SYNE2: variants seen among roughly 807,000 people sequenced by gnomAD.
SYNE2 encodes nesprin-2.
In SYNE2, 431 loss-of-function variants were observed where a neutral mutation model predicts 856.3. The observed-to-expected ratio is 0.50, with a 90% CI of 0.47 to 0.55. The LOEUF is 0.55. Among genes scored for constraint, SYNE2 ranks in the 20% least tolerant of loss-of-function variants. SYNE2 has a pLI of 0.00. For synonymous variants in SYNE2, 2,923 were observed against 2,872.3 expected, an observed-to-expected ratio of 1.02 and a Z score of -0.56; for missense variants, 8,129 against 8,023.2, an observed-to-expected ratio of 1.01 and a Z score of -0.50.
At chr14:63,777,421 G>A (rs1289642742) in intron 1 of SYNE2, among the ~76,000 whole-genome samples, 10 of 152,100 alleles carry the variant, frequency 6.6e-5, no homozygotes, top group Admixed American at 5.2e-4. Context: ...TGTAATCCCA[G>A]AACTTTGAGA....
intron 1 of SYNE2, among the ~76,000 whole-genome samples, chr14:63,837,096 T>C (rs1889883367): frequency 6.6e-6 from 1 of 152,200 alleles, no homozygotes; most frequent in Non-Finnish European, 1.5e-5. Flanking sequence ...ATGCAGGAAA[T>C]TATATAAGAT....
chr14:63,825,008 G>A (rs1348765234), intron 1 of SYNE2, among the ~76,000 whole-genome samples: 2 of 151,780 alleles, frequency 1.3e-5, no homozygotes, highest in Non-Finnish European at 2.9e-5. Flanking sequence ...GCTGAGGCAG[G>A]AGAATTGCTT....
In SYNE2 at chr14:63,995,967, C is replaced by T. The variant is rs566155934; in HGVS notation, c.2940+765C>T. ...TTTATGCACTCTGGGGTTTGACCTG[C>T]CTTCTCTGCAATGATAGTGCGTCAA... On this transcript the variant is annotated intron_variant, in intron 23 of 115. Transcript: ENST00000555002. Among the ~76,000 whole-genome samples the T allele has an allele frequency of 6.6e-5, 10 of 152,236 alleles. No individual in the cohort carries two copies. In the South Asian group the frequency reaches 1.9e-3, roughly 28 times the overall value.
chr14:63,962,347 C>T (rs996282220), intron 9 of SYNE2, among the ~76,000 whole-genome samples: 109 of 152,112 alleles, frequency 7.2e-4, no homozygotes, highest in African/African-American at 2.4e-3. Flanking sequence ...TGAGCCACTG[C>T]GGCCGGCCTG....
chr14:64,195,422 T>G (rs2098536631), intron 99 of SYNE2, among the ~76,000 whole-genome samples: 1 of 152,210 alleles, frequency 6.6e-6, no homozygotes. Flanking sequence ...GTCGTCCTTA[T>G]TAAGCCACTG....
At chr14:64,046,340 A>G (rs2097186295) in intron 45 of SYNE2, among the ~76,000 whole-genome samples, 1 of 152,156 alleles carries the variant, frequency 6.6e-6, no homozygotes, top group South Asian at 2.1e-4. Flanking sequence ...TTAAGACATA[A>G]TTTATCCTTT....
chr14:63,762,165 C>T, intron 1 of SYNE2: 2 of 316,468 alleles, frequency 6.3e-6, no homozygotes, highest in Non-Finnish European at 6.6e-6. Context: ...GGCGCGGTGG[C>T]TCACGCCTGT....
chr14:63,812,423 A>G (rs1888648577), intron 1 of SYNE2, among the ~76,000 whole-genome samples: 1 of 152,132 alleles, frequency 6.6e-6, no homozygotes, highest in Admixed American at 6.6e-5. Flanking sequence ...CTGATTTCAT[A>G]TTGTTCAAAC....
rs578120501 is a variant in SYNE2 at position 64,124,476 on chromosome 14, C to A, written c.13423-603C>A. On this transcript the variant is annotated intron_variant, in intron 70 of 115. Transcript: ENST00000555002. ...CTGGCCTCTAGGAATCCTCCCACCT[C>A]TACTTGCAAAGTACTAGGATTATAG... Among the ~76,000 whole-genome samples, 105 of 150,814 alleles carry A rather than the reference C, an allele frequency of 7.0e-4. 1 individual carries two copies. Among genetic ancestry groups the A allele is most frequent in the Admixed American group, 1.1e-3 (16 of 15,100 alleles).
At position 63,981,075 on chromosome 14, in the gene SYNE2, A is replaced by G; in HGVS notation, c.1738A>G (p.Thr580Ala). 1 of 1,610,118 alleles carries G rather than the reference A, an allele frequency of 6.2e-7. No homozygotes were observed. The highest frequency in any genetic ancestry group is 8.5e-7 in the Non-Finnish European group (1 of 1,176,552). Residue 580 changes from threonine to alanine, a missense_variant, in exon 16 of 116, where the codon ACT becomes GCT. Around this residue, in one of 3 missense-constraint regions of SYNE2, gnomAD observed 2,422 missense variants for 2,357.4 expected, o/e 1.03. Coordinates refer to ENST00000555002, the MANE Select transcript of SYNE2 (RefSeq NM_182914.3). ...AAAAAATATATATAATGTGAAGTCC[A>G]CTCTACAAAAAGTGCTGGCATGTTG... ...YRKNIYNVKSTLQKVLACWAT... is the reference protein window; with the variant it reads ...YRKNIYNVKSALQKVLACWAT...
At chr14:64,137,742 C>T (rs1004702524) in intron 78 of SYNE2, 45 bp from the exon 79 acceptor site, 3 of 1,601,644 alleles carry the variant, frequency 1.9e-6, no homozygotes, top group Admixed American at 3.4e-5. Context: ...GCTTGGCAGA[C>T]TTTATTTTCT....
chr14:63,948,084 T>G (rs555096037), intron 6 of SYNE2, among the ~76,000 whole-genome samples: 37 of 152,304 alleles, frequency 2.4e-4, no homozygotes, highest in South Asian at 6.2e-4. Context: ...ATTTGCTTTT[T>G]GCATTTTTAT....
intron 45 of SYNE2, among the ~76,000 whole-genome samples, chr14:64,047,379 A>G (rs2097193861): frequency 6.6e-6 from 1 of 152,192 alleles, no homozygotes; most frequent in Non-Finnish European, 1.5e-5. Flanking sequence ...CAATTAGGAA[A>G]GGGTGGGTAT....
chr14:63,942,156 A>C lies in SYNE2; in HGVS notation c.408+13A>C. The C allele has an allele frequency of 6.7e-7, 1 of 1,496,818 alleles. No individual in the cohort carries two copies. The highest frequency in any genetic ancestry group is 1.8e-4 in the Middle Eastern group (1 of 5,688). 92.7% of individuals were successfully genotyped at this position (1,496,818 alleles called of 1,614,324 possible). On this transcript the variant is annotated intron_variant, in intron 6 of 115. Transcript: ENST00000555002. The stretch of plus-strand genomic sequence containing the variant: ...CCTGCACTTTCATGTAAGTAGTTTG[A>C]TGATATAAAAATTATTTCTACCCTA...
intron 52 of SYNE2, 152 bp from the exon 53 acceptor site, chr14:64,073,816 A>G (rs2097433438): frequency 1.3e-6 from 1 of 780,914 alleles, no homozygotes; most frequent in Non-Finnish European, 2.1e-6. Flanking sequence ...TGGTACATCC[A>G]TTATTGAAAA....
chr14:64,056,247 C>A lies in SYNE2; in HGVS notation c.10048C>A (p.Gln3350Lys). The part of the protein sequence containing the change: ...NSAMKEAFKA[Q>K]ETEAERYLEN... The stretch of plus-strand genomic sequence containing the variant: ...AGCAATGAAGGAAGCTTTCAAAGCA[C>A]AGGAAACTGAGGCAGAAAGGTAGGT... The change falls in exon 49 of 116, where the codon CAG becomes AAG. Residue 3350 changes from glutamine (Q) to lysine (K), a missense_variant. Around this residue, in one of 3 missense-constraint regions of SYNE2, gnomAD observed 5,410 missense variants for 5,284.8 expected, o/e 1.02. Transcript: ENST00000555002. 6.2e-7 allele frequency: 1 copy of A among 1,613,964 alleles called. No homozygotes were observed. The highest frequency in any genetic ancestry group is 1.3e-5 in the African/African-American group (1 of 75,012).
In SYNE2 at chr14:64,003,214, A is replaced by G. The variant is rs776109615; in HGVS notation, c.4281A>G (p.Lys1427=). ...GVQEEFTEEN[K]LLEACIFKNN... Reference sequence around the variant, plus strand: ...AGGAGGAATTCACTGAGGAAAACAAATTACTAGAGGCTTGTATTTTCAAAA... The same window carrying G: ...AGGAGGAATTCACTGAGGAAAACAAGTTACTAGAGGCTTGTATTTTCAAAA... The change falls in exon 30 of 116, where the codon AAA becomes AAG. Residue 1427 remains lysine, a synonymous_variant. Transcript: ENST00000555002. 6 of 1,613,992 alleles carry G rather than the reference A, an allele frequency of 3.7e-6. No homozygotes were observed. The highest frequency in any genetic ancestry group is 8.5e-7 in the Non-Finnish European group (1 of 1,179,944).
chr14:64,188,230 G>A (rs574688052), intron 97 of SYNE2, among the ~76,000 whole-genome samples: 2 of 152,268 alleles, frequency 1.3e-5, no homozygotes, highest in African/African-American at 2.4e-5. Flanking sequence ...AAGGATTTGG[G>A]TTATATCTTC....
chr14:63,840,095 C>A (rs1889998159), intron 1 of SYNE2, among the ~76,000 whole-genome samples: 1 of 152,078 alleles, frequency 6.6e-6, no homozygotes, highest in Admixed American at 6.5e-5. Context: ...ATGGTGAAAC[C>A]TCCTCTCTAC....
Sources: allele counts gnomAD v4.1 joint callset (sites outside exome capture counted in the v4.1 genomes callset), GRCh38; gene constraint gnomAD v4.1.1; regional missense constraint gnomAD v4.1.1; transcripts MANE v1.5; gene names NCBI Gene and HGNC (gene_info 2026-07-23, HGNC 2026-07-21).